GABRB1: variants seen among roughly 807,000 people sequenced by gnomAD.
The protein encoded by GABRB1 is gamma-aminobutyric acid type A receptor subunit beta1.
In GABRB1, 17 loss-of-function variants were observed where a neutral mutation model predicts 51.6. The observed-to-expected ratio is 0.33, with a 90% CI of 0.23 to 0.49. The LOEUF (loss-of-function observed/expected upper bound fraction) is 0.49, where lower values mean the gene tolerates loss of function less well. GABRB1 is among the 20% of genes least tolerant of loss of function. The pLI, the probability that GABRB1 is intolerant of heterozygous loss-of-function variation, is 0.99. For missense variants in GABRB1, 410 were observed against 600.6 expected, an observed-to-expected ratio of 0.68 and a Z score of 3.32; for synonymous variants, 247 against 218.9, an observed-to-expected ratio of 1.13 and a Z score of -1.14.
chr4:47,322,970 AAACAACAACAACAAC>A (rs58096811), intron 5 of GABRB1, among the ~76,000 whole-genome samples: 17 of 150,156 alleles, frequency 1.1e-4, no homozygotes, highest in Middle Eastern at 3.4e-3. Flanking sequence ...CTCCATTTCA[AAACAACAACAACAAC>A]AACAACAACA....
At chr4:47,013,785 T>A in intron 1 of GABRB1, among the ~76,000 whole-genome samples, 1 of 152,190 alleles carries the variant, frequency 6.6e-6, no homozygotes, top group Non-Finnish European at 1.5e-5. Context: ...ATACCAAGTT[T>A]TTAAACTTCC....
intron 3 of GABRB1, among the ~76,000 whole-genome samples, chr4:47,116,012 T>A (rs569187530): frequency 4.0e-4 from 61 of 152,322 alleles, no homozygotes; most frequent in Non-Finnish European, 7.8e-4. Context: ...TTTCTACATT[T>A]AACCAATATA....
chr4:47,423,631 G>A (rs574149983), intron 8 of GABRB1, among the ~76,000 whole-genome samples: 1 of 152,252 alleles, frequency 6.6e-6, no homozygotes, highest in East Asian at 1.9e-4. Flanking sequence ...AAGTACAAAG[G>A]TACACAAAGA....
At chr4:47,196,541 A>AT (rs779962088) in intron 4 of GABRB1, among the ~76,000 whole-genome samples, 77 of 152,110 alleles carry the variant, frequency 5.1e-4, no homozygotes, top group Non-Finnish European at 9.6e-4. Flanking sequence ...AGTGGAAAAG[A>AT]TTTTTCCCTC....
chr4:47,076,625 C>G (rs1242646536), intron 3 of GABRB1, among the ~76,000 whole-genome samples: 1 of 151,600 alleles, frequency 6.6e-6, no homozygotes, highest in Non-Finnish European at 1.5e-5. Context: ...GCCCCTCTGA[C>G]AGCCAGCAGC....
chr4:47,245,497 A>G (rs1052545415), intron 4 of GABRB1, among the ~76,000 whole-genome samples: 2 of 152,048 alleles, frequency 1.3e-5, no homozygotes, highest in African/African-American at 4.8e-5. Flanking sequence ...TTAGTAAGGG[A>G]TTGGGGAGAA....
chr4:47,361,568 T>C (rs1401522043), intron 5 of GABRB1, among the ~76,000 whole-genome samples: 4 of 152,032 alleles, frequency 2.6e-5, no homozygotes, highest in Non-Finnish European at 4.4e-5. Flanking sequence ...GCTGCCACAA[T>C]AGTGAACAGT....
chr4:47,174,652 G>A (rs968999901), intron 4 of GABRB1, among the ~76,000 whole-genome samples: 7 of 151,998 alleles, frequency 4.6e-5, no homozygotes, highest in Admixed American at 2.0e-4. Context: ...AGGTTTATTG[G>A]GGATTCTAAA....
intron 3 of GABRB1, among the ~76,000 whole-genome samples, chr4:47,068,154 T>C (rs1194680674): frequency 6.6e-6 from 1 of 152,204 alleles, no homozygotes; most frequent in Non-Finnish European, 1.5e-5. Flanking sequence ...TGCAACTTCC[T>C]CACCTCTTTT....
chr4:47,104,262 T>C (rs1419615455), intron 3 of GABRB1, among the ~76,000 whole-genome samples: 2 of 151,866 alleles, frequency 1.3e-5, no homozygotes, highest in African/African-American at 2.4e-5. Context: ...AAGTATAATA[T>C]AGTCCTCATC....
intron 5 of GABRB1, among the ~76,000 whole-genome samples, chr4:47,370,610 C>T (rs933622444): frequency 6.6e-6 from 1 of 151,918 alleles, no homozygotes; most frequent in Non-Finnish European, 1.5e-5. Flanking sequence ...CTTTACAATA[C>T]TTCTGGCCTT....
chr4:47,081,160 A>G (rs1727826698), intron 3 of GABRB1, among the ~76,000 whole-genome samples: 1 of 152,204 alleles, frequency 6.6e-6, no homozygotes, highest in Admixed American at 6.5e-5. Context: ...TGAAAAACTA[A>G]GACACAAAGA....
At chr4:47,236,082 G>C (rs1172386107) in intron 4 of GABRB1, among the ~76,000 whole-genome samples, 1 of 151,994 alleles carries the variant, frequency 6.6e-6, no homozygotes, top group Non-Finnish European at 1.5e-5. Context: ...TTCAGATGTA[G>C]TCTGACAAGC....
Position 47,278,046 on chromosome 4 carries a change from A to G in GABRB1, c.462-42081A>G, listed in dbSNP as rs184742177. The stretch of plus-strand genomic sequence containing the variant: ...CTGAAGCCCCTGCTTTTACCACCTT[A>G]TATTTGGAGAGACAAGTTTTATATT... On this transcript the variant is annotated intron_variant, in intron 4 of 8. Transcript: ENST00000295454. Among the ~76,000 whole-genome samples, 489 of 152,168 alleles carry G rather than the reference A, an allele frequency of 3.2e-3. 2 individuals are homozygous for G. Among genetic ancestry groups the G allele is most frequent in the Non-Finnish European group, 6.2e-3 (419 of 67,998 alleles).
At chr4:47,183,222 A>G (rs1354351923) in intron 4 of GABRB1, among the ~76,000 whole-genome samples, 1 of 151,238 alleles carries the variant, frequency 6.6e-6, no homozygotes, top group Non-Finnish European at 1.5e-5. Context: ...GGGGTATCTG[A>G]GGTGGTGAGA....
At chr4:47,273,874 C>T (rs200012981) in intron 4 of GABRB1, among the ~76,000 whole-genome samples, 33,227 of 150,182 alleles carry the variant, frequency 0.22, 4,409 homozygotes, top group East Asian at 0.5. Flanking sequence ...TACACACACA[C>T]ACACACACAC....
intron 3 of GABRB1, among the ~76,000 whole-genome samples, chr4:47,096,476 G>A (rs1714438862): frequency 3.9e-5 from 6 of 152,156 alleles, no homozygotes; most frequent in Admixed American, 3.9e-4. Flanking sequence ...AACTGGTTCG[G>A]TAGGCAGAAT....
chr4:47,025,103 T>G (rs892983584), intron 1 of GABRB1, among the ~76,000 whole-genome samples: 2 of 150,358 alleles, frequency 1.3e-5, no homozygotes, highest in Non-Finnish European at 3.0e-5. Flanking sequence ...CATATATATA[T>G]CATATATATA....
chr4:47,289,275 C>T (rs1723636469), intron 4 of GABRB1, among the ~76,000 whole-genome samples: 1 of 152,178 alleles, frequency 6.6e-6, no homozygotes, highest in South Asian at 2.1e-4. Context: ...CCGTTTTGAA[C>T]CTATTATTTT....
Sources: gnomAD v4.1 joint callset for allele counts (sites outside exome capture counted in the v4.1 genomes callset) on GRCh38, gnomAD v4.1.1 for gene constraint, MANE v1.5 for transcripts, NCBI Gene and HGNC (gene_info 2026-07-23, HGNC 2026-07-21) for gene names.